The following MECOM variants were observed in gnomAD, a reference collection of about 807,000 sequenced individuals.
MECOM encodes the protein histone-lysine N-methyltransferase MECOM.
A neutral mutation model predicts 116.3 loss-of-function variants in MECOM; 13 were observed. The observed-to-expected ratio is 0.11, with a 90% confidence interval of 0.07 to 0.18. The LOEUF (loss-of-function observed/expected upper bound fraction) is 0.18, where lower values mean the gene tolerates loss of function less well. Ranked by LOEUF, MECOM falls within the 10% of genes least tolerant of loss-of-function variation. The pLI is 1.00. For missense variants in MECOM, 1,299 were observed against 1,509.0 expected, an observed-to-expected ratio of 0.86 and a Z score of 2.31; for synonymous variants, 528 against 535.2, an observed-to-expected ratio of 0.99 and a Z score of 0.19.
chr3:169,271,215 C>T (rs1321679624), intron 2 of MECOM, among the ~76,000 whole-genome samples: 2 of 152,222 alleles, frequency 1.3e-5, no homozygotes, highest in African/African-American at 4.8e-5. Flanking sequence ...ACTCCCTCTA[C>T]ATCAAAGGAC....
At chr3:169,419,823 C>A (rs1343375280) in intron 1 of MECOM, among the ~76,000 whole-genome samples, 1 of 152,124 alleles carries the variant, frequency 6.6e-6, no homozygotes, top group Non-Finnish European at 1.5e-5. Context: ...GAACAAGCAA[C>A]CTACAGAATG....
At position 169,337,529 on chromosome 3, in the gene MECOM, T is replaced by A. The variant is rs1270079871; in HGVS notation, c.375+43658A>T. On this transcript the variant is annotated intron_variant, in intron 2 of 16. Transcript: ENST00000651503. Reference sequence around the variant, plus strand: ...AAAAAAAAATAACTGATGGCCCTGATACAAACCCCTAGGGGGTCATTGTTG... The same window carrying A: ...AAAAAAAAATAACTGATGGCCCTGAAACAAACCCCTAGGGGGTCATTGTTG... Among the ~76,000 whole-genome samples the A allele has an allele frequency of 2.0e-5, 3 of 152,200 alleles. No individual in the cohort carries two copies. The East Asian group carries it at 5.8e-4, about 29-fold the overall frequency.
chr3:169,337,401 T>C (rs757155515), intron 2 of MECOM, among the ~76,000 whole-genome samples: 3 of 152,192 alleles, frequency 2.0e-5, no homozygotes, highest in Non-Finnish European at 2.9e-5. Context: ...GAGATTTCAA[T>C]TTATTGATTC....
intron 1 of MECOM, among the ~76,000 whole-genome samples, chr3:169,651,434 A>G (rs1424679790): frequency 6.6e-6 from 1 of 152,190 alleles, no homozygotes; most frequent in Non-Finnish European, 1.5e-5. Context: ...TAAGGATTTT[A>G]GCATCTATGT....
At chr3:169,145,143 AACACACACACACACACACACACACAC>A in intron 2 of MECOM, 1 of 512,638 alleles carries the variant, frequency 2.0e-6, no homozygotes. Flanking sequence ...GATATTATTA[AACACACACACACACACACACACACAC>A]ACACACACAC....
intron 1 of MECOM, among the ~76,000 whole-genome samples, chr3:169,561,720 C>T (rs192536337): frequency 6.6e-6 from 1 of 152,294 alleles, no homozygotes; most frequent in Admixed American, 6.5e-5. Context: ...CACAGGCACG[C>T]ACACTTAATC....
intron 2 of MECOM, among the ~76,000 whole-genome samples, chr3:169,294,917 G>A (rs772272769): frequency 9.2e-5 from 14 of 151,918 alleles, no homozygotes; most frequent in Non-Finnish European, 1.6e-4. Context: ...CATTTGATCC[G>A]GATCCACAAG....
intron 1 of MECOM, among the ~76,000 whole-genome samples, chr3:169,509,493 C>G (rs777159053): frequency 3.3e-5 from 5 of 152,190 alleles, no homozygotes; most frequent in African/African-American, 4.8e-5. Context: ...CCCAATAACT[C>G]TGCATTTCCT....
chr3:169,616,715 C>T (rs1452466194), intron 1 of MECOM, among the ~76,000 whole-genome samples: 1 of 152,194 alleles, frequency 6.6e-6, no homozygotes, highest in Non-Finnish European at 1.5e-5. Flanking sequence ...CAAACTACAT[C>T]ACCTACCTCC....
intron 8 of MECOM, 40 bp downstream of exon 8, chr3:169,115,343 T>C (rs1728803313): frequency 6.3e-7 from 1 of 1,581,146 alleles, no homozygotes; most frequent in African/African-American, 1.4e-5. Context: ...CCGCCTTTCA[T>C]ACATCTGCTC....
rs996438082 is a variant in MECOM, at chr3:169,566,916, G to C, written c.37+96420C>G. On this transcript the variant is annotated intron_variant, in intron 1 of 16. Coordinates refer to ENST00000651503, the MANE Select transcript of MECOM (RefSeq NM_004991.4). ...GGTGAGGAAAATGAACTTAAATTCT[G>C]AATTACATTACAAACTGACTTTCCT... 2.0e-5 allele frequency among the ~76,000 whole-genome samples: 3 copies of C among 152,204 alleles called. No homozygotes were observed. The East Asian group carries it at 5.8e-4, about 29-fold the overall frequency.
intron 1 of MECOM, among the ~76,000 whole-genome samples, chr3:169,628,068 T>C (rs1027616194): frequency 6.6e-6 from 1 of 152,156 alleles, no homozygotes; most frequent in African/African-American, 2.4e-5. Flanking sequence ...AGAGAGAACT[T>C]CAACCCTTTA....
chr3:169,477,437 AAG>A (rs1750657184), intron 1 of MECOM, among the ~76,000 whole-genome samples: 1 of 152,082 alleles, frequency 6.6e-6, no homozygotes, highest in Non-Finnish European at 1.5e-5. Flanking sequence ...CAAGGTATAA[AAG>A]AGAATTTTTT....
chr3:169,491,305 T>C (rs1753064551), intron 1 of MECOM, among the ~76,000 whole-genome samples: 1 of 152,144 alleles, frequency 6.6e-6, no homozygotes, highest in Non-Finnish European at 1.5e-5. Flanking sequence ...CCAGGGCAAA[T>C]GTCCTAACCA....
chr3:169,517,155 G>C (rs926602408), intron 1 of MECOM, among the ~76,000 whole-genome samples: 1 of 152,090 alleles, frequency 6.6e-6, no homozygotes, highest in African/African-American at 2.4e-5. Flanking sequence ...ATCATTCCCC[G>C]GGCAGGAAGC....
intron 3 of MECOM, among the ~76,000 whole-genome samples, chr3:169,140,956 A>G (rs1737921268): frequency 6.6e-6 from 1 of 152,096 alleles, no homozygotes; most frequent in Non-Finnish European, 1.5e-5. Flanking sequence ...CTGTCCTTCT[A>G]CTATCAAACT....
intron 1 of MECOM, among the ~76,000 whole-genome samples, chr3:169,523,939 T>C (rs1277177719): frequency 1.4e-5 from 2 of 142,322 alleles, no homozygotes; most frequent in Non-Finnish European, 3.0e-5. Flanking sequence ...ATTAGTGTAA[T>C]ATATATATGT....
intron 1 of MECOM, among the ~76,000 whole-genome samples, chr3:169,392,527 G>A (rs550893013): frequency 1.3e-5 from 2 of 152,264 alleles, no homozygotes; most frequent in African/African-American, 4.8e-5. Context: ...ATACCACGTT[G>A]TGCCTGGAGC....
intron 3 of MECOM, chr3:169,131,805 C>T (rs1412926655): frequency 1.4e-5 from 10 of 740,576 alleles, no homozygotes; most frequent in African/African-American, 5.4e-5. Flanking sequence ...AGGCTAGCTG[C>T]GTCACATATA....
Sources: gnomAD v4.1 joint callset for allele counts (sites outside exome capture counted in the v4.1 genomes callset) on GRCh38, gnomAD v4.1.1 for gene constraint, MANE v1.5 for transcripts, NCBI Gene and HGNC (gene_info 2026-07-23, HGNC 2026-07-21) for gene names.